SEPTIN7: variants seen among roughly 807,000 people sequenced by gnomAD.
SEPTIN7 encodes septin-7.
A neutral mutation model predicts 63.3 loss-of-function variants in SEPTIN7; 10 were observed. The ratio of observed to expected loss-of-function variants is 0.16; its 90% confidence interval spans 0.10 to 0.27. The LOEUF is 0.27. Ranked by LOEUF, SEPTIN7 falls within the 10% of genes least tolerant of loss-of-function variation. The pLI, the probability that SEPTIN7 is intolerant of heterozygous loss-of-function variation, is 1.00. For missense variants in SEPTIN7, 310 were observed against 521.0 expected, an observed-to-expected ratio of 0.59 and a Z score of 3.94; for synonymous variants, 131 against 165.3, an observed-to-expected ratio of 0.79 and a Z score of 1.59.
intron 4 of SEPTIN7, among the ~76,000 whole-genome samples, chr7:35,870,690 A>G (rs1786088689): frequency 6.6e-6 from 1 of 152,072 alleles, no homozygotes; most frequent in African/African-American, 2.4e-5. Context: ...ATGAGATGAT[A>G]CCATTAAACA....
intron 3 of SEPTIN7, among the ~76,000 whole-genome samples, chr7:35,859,856 G>C (rs568561084): frequency 2.6e-5 from 4 of 151,938 alleles, no homozygotes; most frequent in Admixed American, 6.6e-5. Flanking sequence ...CTTTTACTTT[G>C]AACCTATGTG....
intron 3 of SEPTIN7, among the ~76,000 whole-genome samples, chr7:35,839,676 C>G (rs989396959): frequency 6.6e-6 from 1 of 152,116 alleles, no homozygotes; most frequent in African/African-American, 2.4e-5. Context: ...CTCAGCCTCC[C>G]CAGTAGCTGG....
chr7:35,857,641 G>A (rs1316679725), intron 3 of SEPTIN7, among the ~76,000 whole-genome samples: 2 of 152,074 alleles, frequency 1.3e-5, no homozygotes, highest in Non-Finnish European at 2.9e-5. Context: ...TGAGTTCAGG[G>A]TATACAGCGT....
intron 3 of SEPTIN7, among the ~76,000 whole-genome samples, chr7:35,841,506 A>T (rs545297972): frequency 4.0e-4 from 61 of 152,236 alleles, no homozygotes; most frequent in Non-Finnish European, 7.6e-4. Context: ...GGCCTAAGAT[A>T]AACTTCATAG....
At chr7:35,904,011 T>A (rs1376624071) in intron 13 of SEPTIN7, among the ~76,000 whole-genome samples, 2 of 152,076 alleles carry the variant, frequency 1.3e-5, no homozygotes, top group African/African-American at 2.4e-5. Flanking sequence ...TAAAATGGAG[T>A]TTTGCCTTAT....
At position 35,905,642 on chromosome 7, in the gene SEPTIN7, C is replaced by T. The variant is rs369225586; in HGVS notation, c.*1349C>T. On this transcript the variant is annotated 3_prime_UTR_variant, in exon 14 of 14. Transcript: ENST00000350320. ...TCAAGCAGTCCTCCTGCCTCAGCCC[C>T]CTGAGTATCTGGGATTGCAGGCGTG... 6.6e-6 allele frequency: 1 copy of T among 152,178 alleles called. No homozygotes were observed. Among genetic ancestry groups the T allele is most frequent in the African/African-American group, 2.4e-5 (1 of 41,432 alleles). 9.4% of individuals were successfully genotyped at this position (152,178 alleles called of 1,614,324 possible).
At chr7:35,901,636 T>C (rs1391449231) in intron 12 of SEPTIN7, 1 of 152,142 alleles carries the variant, frequency 6.6e-6, no homozygotes, top group Non-Finnish European at 1.5e-5. Flanking sequence ...TAATTACTTA[T>C]ATGTAACAAG....
At chr7:35,838,842 A>AG in intron 3 of SEPTIN7, among the ~76,000 whole-genome samples, 1 of 152,342 alleles carries the variant, frequency 6.6e-6, no homozygotes, top group African/African-American at 2.4e-5. Context: ...GTTGTGAGGC[A>AG]GGAATCTGAT....
chr7:35,830,263 G>A (rs1783767538), intron 1 of SEPTIN7, among the ~76,000 whole-genome samples: 1 of 152,162 alleles, frequency 6.6e-6, no homozygotes, highest in Non-Finnish European at 1.5e-5. Flanking sequence ...TATGTTTGGG[G>A]GGTAGTTAGG....
At chr7:35,909,234 G>A (rs1172246339), downstream of SEPTIN7, among the ~76,000 whole-genome samples, 2 of 152,172 alleles carry the variant, frequency 1.3e-5, no homozygotes, top group East Asian at 1.9e-4. Flanking sequence ...TGGGAACACA[G>A]TTCTCTCACC....
chr7:35,828,332 T>G (rs1783623425), intron 1 of SEPTIN7, among the ~76,000 whole-genome samples: 1 of 152,182 alleles, frequency 6.6e-6, no homozygotes, highest in Admixed American at 6.5e-5. Flanking sequence ...TCTTCCTGTC[T>G]CCACTGACTG....
intron 1 of SEPTIN7, among the ~76,000 whole-genome samples, chr7:35,823,289 C>T (rs1474793771): frequency 2.0e-5 from 3 of 152,154 alleles, no homozygotes; most frequent in Non-Finnish European, 2.9e-5. Flanking sequence ...GCAATCTCCA[C>T]CTCCCAGGTT....
intron 4 of SEPTIN7, among the ~76,000 whole-genome samples, chr7:35,870,907 T>C (rs577465759): frequency 2.6e-5 from 4 of 152,210 alleles, no homozygotes; most frequent in African/African-American, 9.6e-5. Context: ...CTGAGTTATT[T>C]TGCCTCTCTC....
At position 35,904,234 on chromosome 7, in the gene SEPTIN7, A is replaced by G. The variant is rs1416731011; in HGVS notation, c.1275-20A>G. The G allele has an allele frequency of 1.3e-6, 2 of 1,526,086 alleles. No individual in the cohort carries two copies. The highest frequency in any genetic ancestry group is 2.8e-5 in the African/African-American group (2 of 72,170). The allele number at this position is 1,526,086 out of a possible 1,614,324, so 94.5% of individuals were successfully genotyped here. On this transcript the variant is annotated intron_variant, in intron 13 of 13. Coordinates refer to ENST00000350320, the MANE Select transcript of SEPTIN7 (RefSeq NM_001788.6). The stretch of plus-strand genomic sequence containing the variant: ...TATAAAATGGTTACTCATCTTGCTT[A>G]TTTTCCTTTTATCCTTTAGAACCTT...
intron 4 of SEPTIN7, among the ~76,000 whole-genome samples, chr7:35,870,446 C>CTAGTTGTTG (rs1786076376): frequency 6.6e-6 from 1 of 152,058 alleles, no homozygotes; most frequent in South Asian, 2.1e-4. Flanking sequence ...TGTAGATTTA[C>CTAGTTGTTG]TATATTGTTG....
chr7:35,821,771 C>T (rs1789424034), intron 1 of SEPTIN7, among the ~76,000 whole-genome samples: 1 of 152,038 alleles, frequency 6.6e-6, no homozygotes, highest in African/African-American at 2.4e-5. Context: ...CACTAGTACT[C>T]ACTTTATTAT....
chr7:35,870,481 A>G (rs185511553), intron 4 of SEPTIN7, among the ~76,000 whole-genome samples: 2 of 152,276 alleles, frequency 1.3e-5, no homozygotes, highest in East Asian at 1.9e-4. Flanking sequence ...GTGTAGTACT[A>G]TGTTATTTAA....
At chr7:35,886,319 C>T (rs1391182208) in intron 10 of SEPTIN7, among the ~76,000 whole-genome samples, 1 of 152,126 alleles carries the variant, frequency 6.6e-6, no homozygotes, top group Non-Finnish European at 1.5e-5. Context: ...GTGAATAAAA[C>T]CAGTATTCCT....
At chr7:35,913,234 A>G in the SEPTIN7 span, among the ~76,000 whole-genome samples, 1 of 152,132 alleles carries the variant, frequency 6.6e-6, no homozygotes, top group African/African-American at 2.4e-5. Flanking sequence ...TGCCACATCA[A>G]TGGCAACAGG....
Sources: gnomAD v4.1 joint callset for allele counts (sites outside exome capture counted in the v4.1 genomes callset) on GRCh38, gnomAD v4.1.1 for gene constraint, MANE v1.5 for transcripts, NCBI Gene and HGNC (gene_info 2026-07-23, HGNC 2026-07-21) for gene names.